Variants in AGAP1 observed in about 807,000 individuals in gnomAD.
AGAP1 encodes the protein ArfGAP with GTPase domain, ankyrin repeat and PH domain 1, also known as arf-GAP with GTPase, ANK repeat and PH domain-containing protein 1.
In AGAP1, 29 loss-of-function variants were observed where a neutral mutation model predicts 105.3. The observed-to-expected ratio is 0.28, with a 90% CI of 0.21 to 0.38. The LOEUF is 0.38. Ranked by LOEUF, AGAP1 falls within the 10% of genes least tolerant of loss-of-function variation. AGAP1 has a pLI of 1.00. For missense variants in AGAP1, 998 were observed against 1,165.1 expected (o/e 0.86, Z 2.09); for synonymous variants, 509 against 485.9 (o/e 1.05, Z -0.63).
At chr2:236,102,323 A>G (rs916589265) in intron 16 of AGAP1, among the ~76,000 whole-genome samples, 7 of 72,894 alleles carry the variant, frequency 9.6e-5, no homozygotes, top group African/African-American at 1.7e-4. Flanking sequence ...AGGCAGAGGC[A>G]AGGAGAATGG....
intron 13 of AGAP1, among the ~76,000 whole-genome samples, chr2:236,008,973 T>C (rs1283806108): frequency 6.6e-6 from 1 of 152,232 alleles, no homozygotes; most frequent in African/African-American, 2.4e-5. Context: ...GCAAAGTTAT[T>C]TTCCTTACTG....
chr2:235,844,807 C>T (rs747158410), intron 9 of AGAP1, among the ~76,000 whole-genome samples: 6 of 152,164 alleles, frequency 3.9e-5, no homozygotes, highest in Non-Finnish European at 7.3e-5. Context: ...GCTGTCGCCC[C>T]CTCAGAAGTC....
At chr2:236,013,846 C>G (rs1410842081) in intron 13 of AGAP1, among the ~76,000 whole-genome samples, 1 of 152,210 alleles carries the variant, frequency 6.6e-6, no homozygotes, top group Non-Finnish European at 1.5e-5. Context: ...GTTGAGCCAC[C>G]CTGTTTAACT....
chr2:235,596,692 A>G lies in AGAP1; in HGVS notation c.163+101843A>G, dbSNP rs1945536081. On this transcript the variant is annotated intron_variant, in intron 1 of 17. Transcript: ENST00000304032. The surrounding 1 kb of genome is among the most constrained non-coding windows in gnomAD (Gnocchi z 5.9). ...TAATAGACTTTTAGATAGAAGAGAA[A>G]CCTCGGAGGTCAATCAGCTTTCACT... 6.6e-6 allele frequency among the ~76,000 whole-genome samples: 1 copy of G among 152,094 alleles called. No homozygotes were observed. The highest frequency in any genetic ancestry group is 2.1e-4 in the South Asian group (1 of 4,812).
intron 1 of AGAP1, among the ~76,000 whole-genome samples, chr2:235,672,496 T>C (rs1948490838): frequency 6.6e-6 from 1 of 152,228 alleles, no homozygotes; most frequent in African/African-American, 2.4e-5. Context: ...AGGCACTGTA[T>C]TTAACTCCAA....
intron 13 of AGAP1, among the ~76,000 whole-genome samples, chr2:236,006,854 T>TG (rs2056339035): frequency 2.0e-5 from 3 of 152,202 alleles, no homozygotes; most frequent in Non-Finnish European, 2.9e-5. Flanking sequence ...ATGTTAGTCT[T>TG]CCAGTGAGTT....
At chr2:235,847,890 C>T (rs764081562) in intron 9 of AGAP1, among the ~76,000 whole-genome samples, 12 of 152,210 alleles carry the variant, frequency 7.9e-5, no homozygotes, top group Admixed American at 1.3e-4. Flanking sequence ...TCTTACCAGG[C>T]GGCCTTGGAA....
At position 235,696,793 on chromosome 2, in the gene AGAP1, A is replaced by G. The variant is rs189372185; in HGVS notation, c.164-12386A>G. The stretch of plus-strand genomic sequence containing the variant: ...TCCCCACCTTATACGAGACCATCCC[A>G]GCCAACACAGTGAAACCCCGTCTCT... On this transcript the variant is annotated intron_variant, in intron 1 of 17. Transcript: ENST00000304032. Among the ~76,000 whole-genome samples the G allele has an allele frequency of 1.6e-3, 240 of 152,108 alleles. 2 individuals are homozygous for G. The highest frequency in any genetic ancestry group is 5.0e-3 in the African/African-American group (206 of 41,516).
At chr2:235,944,725 G>C (rs2053411430) in intron 12 of AGAP1, among the ~76,000 whole-genome samples, 1 of 152,200 alleles carries the variant, frequency 6.6e-6, no homozygotes, top group African/African-American at 2.4e-5. Flanking sequence ...GTGGTACGAG[G>C]GGAACTGGAG....
At chr2:236,030,868 G>A (rs1163163963) in intron 13 of AGAP1, among the ~76,000 whole-genome samples, 2 of 152,226 alleles carry the variant, frequency 1.3e-5, no homozygotes, top group Non-Finnish European at 2.9e-5. Flanking sequence ...GAAAGTAGAA[G>A]GAAGTGGAAG....
intron 8 of AGAP1, among the ~76,000 whole-genome samples, chr2:235,805,549 A>T (rs992304251): frequency 6.6e-6 from 1 of 151,030 alleles, no homozygotes; most frequent in African/African-American, 2.5e-5. Context: ...TTTGTTAATT[A>T]AAAAAAAATT....
At chr2:235,573,050 T>TC (rs1559258980) in intron 1 of AGAP1, among the ~76,000 whole-genome samples, 253 of 17,232 alleles carry the variant, frequency 0.015, 34 homozygotes, top group East Asian at 0.1. Context: ...TTCTTCTTCT[T>TC]CTTCTTCTTC....
At chr2:235,811,368 TA>T (rs1958130650) in intron 9 of AGAP1, among the ~76,000 whole-genome samples, 2 of 152,230 alleles carry the variant, frequency 1.3e-5, no homozygotes. Flanking sequence ...ATGCTCAGTT[TA>T]TCTCATCGTG....
chr2:235,676,512 C>T (rs1245006355), intron 1 of AGAP1, among the ~76,000 whole-genome samples: 1 of 152,146 alleles, frequency 6.6e-6, no homozygotes, highest in African/African-American at 2.4e-5. Flanking sequence ...CTTGTAGGAT[C>T]TGTAGGAGTT....
intron 12 of AGAP1, among the ~76,000 whole-genome samples, chr2:235,932,633 G>A (rs551541589): frequency 6.6e-6 from 1 of 152,246 alleles, no homozygotes; most frequent in South Asian, 2.1e-4. Context: ...GAGTAGTCTA[G>A]GTGCCAATAA....
rs993341405 is a variant in AGAP1 at position 235,927,421 on chromosome 2, A to G, written c.1325-3344A>G. ...TCCTTGTATTTTGATGGACAGACAG[A>G]AGTTTGAAAACCAGTACATTCACAG... is the stretch of plus-strand genomic sequence containing the variant. On this transcript the variant is annotated intron_variant, in intron 11 of 17. Coordinates refer to ENST00000304032, the MANE Select transcript of AGAP1 (RefSeq NM_001037131.3). This position sits in a 1 kb window ranked among gnomAD's most constrained non-coding sequence, Gnocchi z 4.4. 6.6e-6 allele frequency among the ~76,000 whole-genome samples: 1 copy of G among 152,186 alleles called. No homozygotes were observed. Among genetic ancestry groups the G allele is most frequent in the Non-Finnish European group, 1.5e-5 (1 of 68,020 alleles).
rs555132562 is a variant in AGAP1, at chr2:235,867,602, C to T, written c.1051-15743C>T. On this transcript the variant is annotated intron_variant, in intron 9 of 17. Transcript: ENST00000304032. The surrounding 1 kb of genome is among the most constrained non-coding windows in gnomAD (Gnocchi z 5.4). The stretch of plus-strand genomic sequence containing the variant: ...AAGTGAGGGAGGGTGACCCCCACAC[C>T]AAGCACACAGGGCCATGGATTTTCA... Among the ~76,000 whole-genome samples, 45 of 147,604 alleles carry T rather than the reference C, an allele frequency of 3.0e-4. No homozygotes were observed. The highest frequency in any genetic ancestry group is 9.8e-4 in the African/African-American group (39 of 39,836).
At chr2:236,111,812 G>A (rs1456752988) in intron 16 of AGAP1, among the ~76,000 whole-genome samples, 2 of 150,934 alleles carry the variant, frequency 1.3e-5, no homozygotes, top group Non-Finnish European at 2.9e-5. Flanking sequence ...AAAAAAGAAA[G>A]GGTCCATCCC....
At chr2:235,695,839 T>G (rs1949972804) in intron 1 of AGAP1, among the ~76,000 whole-genome samples, 1 of 152,194 alleles carries the variant, frequency 6.6e-6, no homozygotes, top group Non-Finnish European at 1.5e-5. Flanking sequence ...AGGAGGTGGC[T>G]TCTTTTCTGG....
Sources: gnomAD v4.1 joint callset for allele counts (sites outside exome capture counted in the v4.1 genomes callset) on GRCh38, gnomAD v4.1.1 for gene constraint, Gnocchi (gnomAD v3.1) non-coding constraint, MANE v1.5 for transcripts, NCBI Gene and HGNC (gene_info 2026-07-23, HGNC 2026-07-21) for gene names.